Variants in RIMS3 observed in about 807,000 individuals in gnomAD.
RIMS3 encodes regulating synaptic membrane exocytosis 3.
RIMS3 carries 15 observed loss-of-function variants against 29.2 expected under a neutral mutation model. That is an observed-to-expected ratio of 0.51 (90% CI 0.34 to 0.79). The LOEUF (loss-of-function observed/expected upper bound fraction) is 0.79, where lower values mean the gene tolerates loss of function less well. Among genes scored for constraint, RIMS3 ranks in the 30% least tolerant of loss-of-function variants. The probability of loss-of-function intolerance (pLI) is 0.01; values close to 1 mark genes in which losing one functional copy is unlikely to be tolerated. For synonymous variants in RIMS3, 161 were observed against 170.1 expected (o/e 0.95, Z 0.41); for missense variants, 342 against 421.4 (o/e 0.81, Z 1.65).
chr1:40,691,797 G>C, the RIMS3 span: 1 of 450,712 alleles, frequency 2.2e-6, no homozygotes, highest in Non-Finnish European at 4.5e-6. Context: ...CGCCGCGCCT[G>C]GGCCTCTGCA....
At position 40,626,655 on chromosome 1, in the gene RIMS3, C is replaced by T; in HGVS notation, c.789G>A (p.Glu263=). Residue 263 remains glutamate (E), a synonymous_variant, in exon 8 of 8, where the codon GAG becomes GAA. Transcript: ENST00000372684. ...FMGMAQIMLD[E]LDLSAAVTGW... is the part of the protein sequence containing the mutation. ...CGGTGACCGCGGCGCTGAGGTCCAG[C>T]TCGTCCAGCATGATCTGGGCCATGC... The T allele has an allele frequency of 6.2e-7, 1 of 1,614,208 alleles. No individual in the cohort carries two copies. Among genetic ancestry groups the T allele is most frequent in the Non-Finnish European group, 8.5e-7 (1 of 1,180,034 alleles).
chr1:40,680,348 T>TG, the RIMS3 span, among the ~76,000 whole-genome samples: 3 of 151,298 alleles, frequency 2.0e-5, no homozygotes, highest in Non-Finnish European at 4.4e-5. Flanking sequence ...TTTTTTTTTT[T>TG]TAAGACAGAG....
chr1:40,654,825 C>G lies in RIMS3; in HGVS notation c.-206-6983G>C, dbSNP rs1279802900. Among the ~76,000 whole-genome samples the G allele has an allele frequency of 1.3e-5, 2 of 152,042 alleles. No homozygotes were observed. Among genetic ancestry groups the G allele is most frequent in the Non-Finnish European group, 2.9e-5 (2 of 67,978 alleles). Reference sequence around the variant, plus strand: ...GTTACCTAGCTACATTTGCCAGGGACATACACACACACTTAAACTCTCTCA... The same window carrying G: ...GTTACCTAGCTACATTTGCCAGGGAGATACACACACACTTAAACTCTCTCA... On this transcript the variant is annotated intron_variant, in intron 1 of 7. Transcript: ENST00000372684. This position sits in a 1 kb window ranked among gnomAD's most constrained non-coding sequence, Gnocchi z 5.3.
chr1:40,631,381 G>C lies in RIMS3; in HGVS notation c.472+1688C>G, dbSNP rs563377277. Reference sequence around the variant, plus strand: ...CAGAACCCTACCTCGCCCCCACCCAGGGATACCAAAATCCTTGGATGCTCC... The same window carrying C: ...CAGAACCCTACCTCGCCCCCACCCACGGATACCAAAATCCTTGGATGCTCC... On this transcript the variant is annotated intron_variant, in intron 5 of 7. Transcript: ENST00000372684. Among the ~76,000 whole-genome samples the C allele has an allele frequency of 1.6e-4, 24 of 152,302 alleles. No individual in the cohort carries two copies. The South Asian group carries it at 4.4e-3, about 28-fold the overall frequency.
chr1:40,660,378 C>CTTT (rs535968581), intron 1 of RIMS3, among the ~76,000 whole-genome samples: 2 of 135,192 alleles, frequency 1.5e-5, no homozygotes, highest in Admixed American at 7.5e-5. Flanking sequence ...GTTGGGGCTT[C>CTTT]TTTTTTTTTT....
intron 5 of RIMS3, among the ~76,000 whole-genome samples, chr1:40,630,889 T>C (rs1049512674): frequency 2.0e-5 from 3 of 152,234 alleles, no homozygotes; most frequent in Non-Finnish European, 4.4e-5. Context: ...TCCCAGCCTT[T>C]GCTTTCAGCT....
At chr1:40,663,470 C>T (rs558474483) in intron 1 of RIMS3, among the ~76,000 whole-genome samples, 21 of 152,092 alleles carry the variant, frequency 1.4e-4, no homozygotes, top group African/African-American at 4.6e-4. Context: ...GCCTGCTCCC[C>T]CCTCCCCAGG....
chr1:40,647,026 G>T (rs1310915994), intron 2 of RIMS3, among the ~76,000 whole-genome samples: 1 of 151,840 alleles, frequency 6.6e-6, no homozygotes, highest in South Asian at 2.1e-4. Flanking sequence ...GACTACAGGC[G>T]CCCACTACCA....
intron 2 of RIMS3, among the ~76,000 whole-genome samples, chr1:40,645,599 C>T (rs947211611): frequency 1.3e-5 from 2 of 152,104 alleles, no homozygotes; most frequent in African/African-American, 4.8e-5. Context: ...GGCCCAGGTT[C>T]CCACAGCTGT....
chr1:40,623,952 A>C lies in RIMS3; in HGVS notation c.*2565T>G, dbSNP rs1203028404. ...TTCCCCAAGGTCAATTTGGGGAGGAAATTACCTTCTTTTAGAGAGGTGGAA... is the reference window on the plus strand; with the variant it reads ...TTCCCCAAGGTCAATTTGGGGAGGACATTACCTTCTTTTAGAGAGGTGGAA... On this transcript the variant is annotated 3_prime_UTR_variant, in exon 8 of 8. Transcript: ENST00000372684. The C allele has an allele frequency of 6.4e-6, 1 of 157,452 alleles. No individual in the cohort carries two copies. The highest frequency in any genetic ancestry group is 2.4e-5 in the African/African-American group (1 of 41,654). 9.8% of individuals were successfully genotyped at this position (157,452 alleles called of 1,614,324 possible). A position where few individuals can be genotyped will look rare whatever the true frequency, so the allele number is the denominator to read the frequency against.
intron 1 of RIMS3, among the ~76,000 whole-genome samples, chr1:40,657,223 CG>C (rs979665640): frequency 6.6e-6 from 1 of 152,182 alleles, no homozygotes; most frequent in African/African-American, 2.4e-5. Flanking sequence ...AGAGACTTGA[CG>C]TCCACCCAGA....
the RIMS3 span, among the ~76,000 whole-genome samples, chr1:40,683,135 C>T: frequency 2.0e-5 from 3 of 152,152 alleles, no homozygotes; most frequent in Non-Finnish European, 4.4e-5. Context: ...AATGGGGACT[C>T]GAACTCAGGC....
In RIMS3 at chr1:40,641,911, C is replaced by A; in HGVS notation, c.15G>T (p.Glu5Asp). The A allele has an allele frequency of 6.2e-7, 1 of 1,613,664 alleles. No individual in the cohort carries two copies. The highest frequency in any genetic ancestry group is 8.5e-7 in the Non-Finnish European group (1 of 1,179,740). The stretch of plus-strand genomic sequence containing the variant: ...AGGCCCCAGATGAGGCAGGACCTGG[C>A]TCCCCGTTAAACATGGTCCCCGGGG... The part of the protein sequence containing the change: MFNG[E>D]PGPASSGASR... The change falls in exon 3 of 8, where the codon GAG becomes GAT. Residue 5 changes from glutamate (E) to aspartate (D), a missense_variant. Transcript: ENST00000372684.
chr1:40,681,913 A>G, the RIMS3 span, among the ~76,000 whole-genome samples: 1 of 152,146 alleles, frequency 6.6e-6, no homozygotes, highest in African/African-American at 2.4e-5. Context: ...GGCTCACTGC[A>G]CCCTCCACCT....
the RIMS3 span, among the ~76,000 whole-genome samples, chr1:40,687,151 A>G: frequency 6.6e-6 from 1 of 152,220 alleles, no homozygotes; most frequent in East Asian, 1.9e-4. Context: ...AGTGGCCAAA[A>G]GGTGAAAGTA....
At chr1:40,680,614 G>A in the RIMS3 span, among the ~76,000 whole-genome samples, 2 of 152,096 alleles carry the variant, frequency 1.3e-5, no homozygotes, top group African/African-American at 4.8e-5. Flanking sequence ...TTACAGGCAT[G>A]AGCCACCATG....
Position 40,654,969 on chromosome 1 carries a change from C to T in RIMS3, c.-206-7127G>A, listed in dbSNP as rs1001611190. Among the ~76,000 whole-genome samples the T allele has an allele frequency of 2.0e-5, 3 of 152,192 alleles. No individual in the cohort carries two copies. Among genetic ancestry groups the T allele is most frequent in the Non-Finnish European group, 2.9e-5 (2 of 68,030 alleles). The stretch of plus-strand genomic sequence containing the variant: ...TCCTCCTGGTGCCCAGGCCACCCTT[C>T]CCACTGTGAACATGGGACTAGGGAG... On this transcript the variant is annotated intron_variant, in intron 1 of 7. Transcript: ENST00000372684. This position sits in a 1 kb window ranked among gnomAD's most constrained non-coding sequence, Gnocchi z 5.3.
intron 1 of RIMS3, among the ~76,000 whole-genome samples, chr1:40,652,373 G>T (rs147582337): frequency 1.3e-5 from 2 of 152,342 alleles, no homozygotes; most frequent in East Asian, 3.9e-4. Flanking sequence ...TCCAAGTGAT[G>T]CCCAAGATGC....
chr1:40,650,578 T>G (rs1646625418), intron 1 of RIMS3, among the ~76,000 whole-genome samples: 1 of 152,092 alleles, frequency 6.6e-6, no homozygotes, highest in South Asian at 2.1e-4. Context: ...AAGTACCACC[T>G]TGGGCCGGGC....
Sources: allele counts gnomAD v4.1 joint callset (sites outside exome capture counted in the v4.1 genomes callset), GRCh38; gene constraint gnomAD v4.1.1; non-coding constraint Gnocchi (gnomAD v3.1); transcripts MANE v1.5; gene names NCBI Gene and HGNC (gene_info 2026-07-23, HGNC 2026-07-21).